The following RCL1 variants were observed in gnomAD, a reference collection of about 807,000 sequenced individuals.
RCL1 encodes the protein RNA terminal phosphate cyclase like 1, also known as RNA 3'-terminal phosphate cyclase-like protein.
RCL1 carries 24 observed loss-of-function variants against 42.4 expected under a neutral mutation model. That is an observed-to-expected ratio of 0.57 (90% confidence interval 0.41 to 0.80). The LOEUF (loss-of-function observed/expected upper bound fraction) is 0.80, where lower values mean the gene tolerates loss of function less well. Ranked by LOEUF, RCL1 falls within the 30% of genes least tolerant of loss-of-function variation. RCL1 has a pLI of 0.00. For synonymous variants in RCL1, 228 were observed against 177.3 expected (o/e 1.29, Z -2.27); for missense variants, 578 against 467.9 (o/e 1.24, Z -2.17).
intron 5 of RCL1, 146 bp downstream of exon 5, chr9:4,834,411 G>A: frequency 1.2e-6 from 1 of 802,502 alleles, no homozygotes; most frequent in East Asian, 3.5e-5. Flanking sequence ...AATTGTAATT[G>A]CTGGCTGAGT....
chr9:4,806,998 G>A (rs1043602330), intron 1 of RCL1, among the ~76,000 whole-genome samples: 3 of 152,096 alleles, frequency 2.0e-5, no homozygotes, highest in East Asian at 1.9e-4. Context: ...GAAGTGGTCC[G>A]TTTCATCTAA....
intron 8 of RCL1, among the ~76,000 whole-genome samples, chr9:4,851,349 C>G (rs1422049183): frequency 6.6e-6 from 1 of 152,154 alleles, no homozygotes; most frequent in African/African-American, 2.4e-5. Context: ...ACGGGTCTGC[C>G]AGGGTGGGAA....
intron 8 of RCL1, among the ~76,000 whole-genome samples, chr9:4,857,270 C>T (rs148179361): frequency 1.4e-4 from 21 of 152,292 alleles, no homozygotes; most frequent in African/African-American, 4.8e-4. Flanking sequence ...CCCACTCTCC[C>T]CAGCCCCAGG....
At chr9:4,794,640 C>CT (rs5896092) in intron 1 of RCL1, among the ~76,000 whole-genome samples, 78,052 of 147,580 alleles carry the variant, frequency 0.53, 22,581 homozygotes, top group East Asian at 0.75. Flanking sequence ...GTAGGCATAA[C>CT]TTTTTTTTTT....
intron 3 of RCL1, among the ~76,000 whole-genome samples, chr9:4,831,418 C>T (rs945109906): frequency 3.3e-5 from 5 of 151,558 alleles, no homozygotes; most frequent in African/African-American, 9.8e-5. Flanking sequence ...TCTTAAGCCT[C>T]GACTGTATTC....
chr9:4,799,005 T>C (rs1451091937), intron 1 of RCL1, among the ~76,000 whole-genome samples: 9 of 137,396 alleles, frequency 6.6e-5, no homozygotes, highest in Non-Finnish European at 1.2e-4. Flanking sequence ...CCTCTCTCCC[T>C]CCCCTTCCCT....
intron 8 of RCL1, among the ~76,000 whole-genome samples, chr9:4,850,693 A>G (rs1186799341): frequency 1.3e-5 from 2 of 152,134 alleles, no homozygotes; most frequent in Admixed American, 6.5e-5. Flanking sequence ...GCGTGGTAAC[A>G]TCAGTAGTAA....
chr9:4,802,061 A>C lies in RCL1; in HGVS notation c.136+8834A>C, dbSNP rs1053131218. Reference sequence around the variant, plus strand: ...GCATCTGGGATTATAGGTGTGTGCCACCACGCCTGGCTATTTTTTTTTTTT... The same window carrying C: ...GCATCTGGGATTATAGGTGTGTGCCCCCACGCCTGGCTATTTTTTTTTTTT... On this transcript the variant is annotated intron_variant, in intron 1 of 8. Transcript: ENST00000381750. Among the ~76,000 whole-genome samples, 32 of 144,572 alleles carry C rather than the reference A, an allele frequency of 2.2e-4. 1 individual carries two copies. The highest frequency in any genetic ancestry group is 7.4e-4 in the African/African-American group (29 of 39,118). The allele number at this position is 144,572 out of a possible 152,430, so 94.8% of individuals were successfully genotyped here. A position where few individuals can be genotyped will look rare whatever the true frequency, so the allele number is the denominator to read the frequency against.
chr9:4,848,206 T>G (rs1229502184), intron 7 of RCL1, among the ~76,000 whole-genome samples: 2 of 152,342 alleles, frequency 1.3e-5, no homozygotes, highest in East Asian at 3.9e-4. Flanking sequence ...TCTTTTTGGG[T>G]AGAAAAGGAA....
At chr9:4,797,003 G>A (rs1842923949) in intron 1 of RCL1, among the ~76,000 whole-genome samples, 1 of 152,108 alleles carries the variant, frequency 6.6e-6, no homozygotes, top group South Asian at 2.1e-4. Flanking sequence ...TTATTTTACT[G>A]AGGTAAAATC....
intron 1 of RCL1, among the ~76,000 whole-genome samples, chr9:4,806,476 T>C (rs555077812): frequency 6.6e-6 from 1 of 152,248 alleles, no homozygotes; most frequent in South Asian, 2.1e-4. Flanking sequence ...CTGCACCAGT[T>C]GATGTGACCA....
At chr9:4,853,050 C>T (rs1817804948) in intron 8 of RCL1, among the ~76,000 whole-genome samples, 1 of 152,138 alleles carries the variant, frequency 6.6e-6, no homozygotes, top group African/African-American at 2.4e-5. Context: ...TCTTATTGAT[C>T]CTAAGAATTC....
At chr9:4,845,499 G>T (rs1218507037) in intron 7 of RCL1, among the ~76,000 whole-genome samples, 1 of 152,216 alleles carries the variant, frequency 6.6e-6, no homozygotes, top group Non-Finnish European at 1.5e-5. Flanking sequence ...GTGACCTAAA[G>T]TAAGGGAGAA....
intron 8 of RCL1, 126 bp downstream of exon 8, chr9:4,849,676 C>T (rs1436498386): frequency 1.5e-6 from 1 of 673,804 alleles, no homozygotes; most frequent in South Asian, 1.8e-5. Flanking sequence ...ATCCTCAAAT[C>T]AGCCAGCAGT....
chr9:4,824,904 A>G (rs1213548244), intron 2 of RCL1, among the ~76,000 whole-genome samples: 3 of 152,056 alleles, frequency 2.0e-5, no homozygotes, highest in African/African-American at 7.2e-5. Context: ...AAGACGGATA[A>G]TTCTATTCTT....
intron 8 of RCL1, among the ~76,000 whole-genome samples, chr9:4,853,264 T>G (rs1587735417): frequency 6.6e-6 from 1 of 151,738 alleles, no homozygotes; most frequent in African/African-American, 2.4e-5. Context: ...ACACAGACAG[T>G]AAGTGGGGTT....
chr9:4,833,017 C>G, intron 3 of RCL1, 137 bp from the exon 4 acceptor site: 1 of 627,596 alleles, frequency 1.6e-6, no homozygotes. Flanking sequence ...AGCCCACTCG[C>G]TCAGTTATAT....
At chr9:4,860,095 T>G in intron 8 of RCL1, 30 bp from the exon 9 acceptor site, 1 of 1,430,686 alleles carries the variant, frequency 7.0e-7, no homozygotes, top group Non-Finnish European at 9.4e-7. Context: ...AATTTCTTTT[T>G]ATTTATTTAT....
intron 2 of RCL1, among the ~76,000 whole-genome samples, chr9:4,825,625 G>T (rs1274110786): frequency 6.6e-6 from 1 of 152,108 alleles, no homozygotes; most frequent in Non-Finnish European, 1.5e-5. Context: ...ATATATTTTT[G>T]GTAAATTGTG....
Sources: allele counts gnomAD v4.1 joint callset (sites outside exome capture counted in the v4.1 genomes callset), GRCh38; gene constraint gnomAD v4.1.1; transcripts MANE v1.5; gene names NCBI Gene and HGNC (gene_info 2026-07-23, HGNC 2026-07-21).